SLC10A1: variants seen among roughly 807,000 people sequenced by gnomAD.
SLC10A1 encodes the protein hepatic sodium/bile acid cotransporter.
SLC10A1 carries 36 observed loss-of-function variants against 20.5 expected under a neutral mutation model. The ratio of observed to expected loss-of-function variants is 1.75; its 90% CI spans 1.34 to 2.32. The LOEUF is 2.32. Ranked by LOEUF, SLC10A1 falls within the 30% of genes most tolerant of loss-of-function variation. The pLI is 0.00. For synonymous variants in SLC10A1, 188 were observed against 163.6 expected (o/e 1.15, Z -1.14); for missense variants, 545 against 439.1 (o/e 1.24, Z -2.16).
At chr14:69,782,823 AAAGG>A (rs1883626855) in intron 2 of SLC10A1, among the ~76,000 whole-genome samples, 1 of 151,856 alleles carries the variant, frequency 6.6e-6, no homozygotes, top group Non-Finnish European at 1.5e-5. Context: ...AAAAAAAAAA[AAAGG>A]GTCTGAGATT....
chr14:69,787,037 G>A (rs1464419688), intron 1 of SLC10A1, among the ~76,000 whole-genome samples: 2 of 152,232 alleles, frequency 1.3e-5, no homozygotes, highest in African/African-American at 2.4e-5. Context: ...TAATGGTGGG[G>A]TAGTAGAGAA....
rs758024722 is a variant in SLC10A1, at chr14:69,776,367, G to C, written c.965C>G (p.Thr322Arg). 3 of 1,613,948 alleles carry C rather than the reference G, an allele frequency of 1.9e-6. No individual in the cohort carries two copies. Among genetic ancestry groups the C allele is most frequent in the Non-Finnish European group, 2.5e-6 (3 of 1,179,948 alleles). ...AATTGTTTCTTCAGTTGTGGCAGCT[G>C]TGTAGATCATTTTTGTTTTATCTGT... ...TPKDKTKMIY[T>R]AATTEETIPG... The change falls in exon 5 of 5, where the codon ACA (threonine) becomes AGA (arginine). Residue 322 changes from threonine to arginine, a missense_variant. Transcript: ENST00000216540.
chr14:69,780,466 A>G (rs1290684167), intron 2 of SLC10A1, among the ~76,000 whole-genome samples: 6 of 152,080 alleles, frequency 3.9e-5, no homozygotes, highest in Non-Finnish European at 8.8e-5. Flanking sequence ...CATGTGTTGC[A>G]TTTTATATTT....
chr14:69,793,421 T>G (rs1231808034), intron 1 of SLC10A1, among the ~76,000 whole-genome samples: 1 of 145,768 alleles, frequency 6.9e-6, no homozygotes, highest in Non-Finnish European at 1.5e-5. Context: ...GGCACATTTG[T>G]TTTTTTTATT....
At chr14:69,783,632 A>G (rs534113595) in intron 2 of SLC10A1, among the ~76,000 whole-genome samples, 1 of 152,308 alleles carries the variant, frequency 6.6e-6, no homozygotes, top group South Asian at 2.1e-4. Flanking sequence ...TAAGGAGTTT[A>G]AACTATCCTA....
intron 1 of SLC10A1, among the ~76,000 whole-genome samples, chr14:69,795,197 G>A (rs756777450): frequency 6.6e-6 from 1 of 152,170 alleles, no homozygotes; most frequent in Non-Finnish European, 1.5e-5. Flanking sequence ...ATTAGACAGA[G>A]GAAAGCATTT....
rs35355208 is a variant in SLC10A1 at position 69,784,119 on chromosome 14, C to A, written c.567+1978G>T. Among the ~76,000 whole-genome samples, 1,261 of 152,264 alleles carry A rather than the reference C, an allele frequency of 8.3e-3. 7 individuals are homozygous for A. The highest frequency in any genetic ancestry group is 0.014 in the Non-Finnish European group (920 of 68,010). ...TTGCAGACCTGAGAGGGACCAGATC[C>A]TGTGCTGGGAGAGGTCTGGTGAGAA... On this transcript the variant is annotated intron_variant, in intron 2 of 4. Transcript: ENST00000216540.
chr14:69,784,514 G>A (rs1444409038), intron 2 of SLC10A1, among the ~76,000 whole-genome samples: 4 of 152,032 alleles, frequency 2.6e-5, no homozygotes, highest in Non-Finnish European at 2.9e-5. Flanking sequence ...GAGAGGAAGC[G>A]ATTGACAGAG....
At chr14:69,794,890 A>G (rs1882355562) in intron 1 of SLC10A1, among the ~76,000 whole-genome samples, 1 of 152,200 alleles carries the variant, frequency 6.6e-6, no homozygotes, top group Admixed American at 6.5e-5. Flanking sequence ...TGGGGCCTAG[A>G]GCCACAGCAA....
At chr14:69,792,617 T>C (rs952977253) in intron 1 of SLC10A1, among the ~76,000 whole-genome samples, 2 of 152,218 alleles carry the variant, frequency 1.3e-5, no homozygotes, top group Non-Finnish European at 2.9e-5. Flanking sequence ...AACAATGACC[T>C]TGGAGACCTC....
chr14:69,781,446 C>G (rs1883590051), intron 2 of SLC10A1, among the ~76,000 whole-genome samples: 1 of 152,216 alleles, frequency 6.6e-6, no homozygotes. Context: ...CCCGCACAGG[C>G]TGGTGAGTGG....
chr14:69,778,448 A>ATT lies in SLC10A1; in HGVS notation c.827_828insAA (p.Glu277MetfsTer15), dbSNP rs774740424. 5 of 1,613,982 alleles carry ATT rather than the reference A, an allele frequency of 3.1e-6. No individual in the cohort carries two copies. In the Admixed American group the frequency reaches 8.3e-5, roughly 27 times the overall value. ...AGAAGAAAAGTGGTCCAATGACTTC[A>ATT]GGTGGAAAGGCCACATTGAGGATGG... On this transcript the variant is annotated frameshift_variant, in exon 4 of 5. Transcript: ENST00000216540. LOFTEE classifies it high-confidence loss of function.
chr14:69,794,515 AGGATCACATATACTTATC>A (rs1190026345), intron 1 of SLC10A1, among the ~76,000 whole-genome samples: 1 of 152,214 alleles, frequency 6.6e-6, no homozygotes, highest in Non-Finnish European at 1.5e-5. Context: ...GTGCTGTAGG[AGGATCACATATACTTATC>A]CAGGTAAGGT....
rs764747297 is a variant in SLC10A1, at chr14:69,776,353, C to T, written c.979G>A (p.Glu327Lys). ...CCCAGAGCTCCTGGAATTGTTTCTT[C>T]AGTTGTGGCAGCTGTGTAGATCATT... The part of the protein sequence containing the change: ...TKMIYTAATT[E>K]ETIPGALGNG... The change falls in exon 5 of 5, where the codon GAA (glutamate) becomes AAA (lysine). Residue 327 changes from glutamate (E) to lysine (K), a missense_variant. By Grantham distance (56) the Glu-to-Lys change is moderately conservative (BLOSUM62 1). Transcript: ENST00000216540. 36 of 1,613,848 alleles carry T rather than the reference C, an allele frequency of 2.2e-5. No individual in the cohort carries two copies. The highest frequency in any genetic ancestry group is 3.3e-5 in the South Asian group (3 of 91,072).
In SLC10A1 at chr14:69,775,620, GTGTT is replaced by G. The variant is rs1346454667; in HGVS notation, c.*658_*661del. The G allele has an allele frequency of 6.6e-6, 1 of 152,210 alleles. No individual in the cohort carries two copies. The highest frequency in any genetic ancestry group is 1.9e-4 in the East Asian group (1 of 5,202). The allele number at this position is 152,210 out of a possible 1,614,324, so 9.4% of individuals were successfully genotyped here. A position where few individuals can be genotyped will look rare whatever the true frequency, so the allele number is the denominator to read the frequency against. On this transcript the variant is annotated 3_prime_UTR_variant, in exon 5 of 5. Transcript: ENST00000216540. The stretch of plus-strand genomic sequence containing the variant: ...GTGAGGTAACATTGTGTTAATGTAT[GTGTT>G]TGTTTCCTGGTTTTTCCTTGTCAAA...
rs765515768 is a variant in SLC10A1, at chr14:69,786,293, G to T, written c.371C>A (p.Thr124Asn). The T allele has an allele frequency of 1.9e-6, 3 of 1,614,068 alleles. No homozygotes were observed. The highest frequency in any genetic ancestry group is 2.5e-6 in the Non-Finnish European group (3 of 1,179,956). The stretch of plus-strand genomic sequence containing the variant: ...GCCAAGGGCACAGAAGGTGGAGCAG[G>T]TGGTCATCACAATGCTGGTGGGAGA... ...GDMNLSIVMT[T>N]CSTFCALGMM... Residue 124 changes from threonine (T) to asparagine (N), a missense_variant, in exon 2 of 5, where the codon ACC (threonine) becomes AAC (asparagine). By Grantham distance (65) the Thr-to-Asn change is moderately conservative (BLOSUM62 0). Transcript: ENST00000216540.
At position 69,775,792 on chromosome 14, in the gene SLC10A1, T is replaced by A. The variant is rs1420303804; in HGVS notation, c.*490A>T. The A allele has an allele frequency of 6.5e-6, 1 of 152,698 alleles. No homozygotes were observed. Among genetic ancestry groups the A allele is most frequent in the Non-Finnish European group, 1.5e-5 (1 of 68,430 alleles). The allele number at this position is 152,698 out of a possible 1,614,324, so 9.5% of individuals were successfully genotyped here. ...CAAATTTGACTTTTCGGGAGCATCA[T>A]CCCAATAATGTCAAAAGGGAAGGAA... On this transcript the variant is annotated 3_prime_UTR_variant, in exon 5 of 5. Transcript: ENST00000216540.
chr14:69,782,968 G>A (rs1432426250), intron 2 of SLC10A1, among the ~76,000 whole-genome samples: 3 of 152,174 alleles, frequency 2.0e-5, no homozygotes, highest in Non-Finnish European at 4.4e-5. Context: ...CTATAAAATG[G>A]AGGAGGGCAG....
Position 69,776,179 on chromosome 14 carries a change from A to G in SLC10A1, c.*103T>C, listed in dbSNP as rs975562624. 2.5e-6 allele frequency: 2 copies of G among 784,474 alleles called. No individual in the cohort carries two copies. Among genetic ancestry groups the G allele is most frequent in the African/African-American group, 3.5e-5 (2 of 57,642 alleles). The allele number at this position is 784,474 out of a possible 1,614,324, so 48.6% of individuals were successfully genotyped here. On this transcript the variant is annotated 3_prime_UTR_variant, in exon 5 of 5. Transcript: ENST00000216540. ...CTGATAGATGTACTGGAAATGCTGG[A>G]GAAAGACTCAGGCAAGACTGGTGTT...
Sources: allele counts gnomAD v4.1 joint callset (sites outside exome capture counted in the v4.1 genomes callset), GRCh38; gene constraint gnomAD v4.1.1; transcripts MANE v1.5; gene names NCBI Gene and HGNC (gene_info 2026-07-23, HGNC 2026-07-21).